The following KIF26B variants were observed in gnomAD, a reference collection of about 807,000 sequenced individuals.
The protein encoded by KIF26B is kinesin-like protein KIF26B.
Under a neutral mutation model 151.2 loss-of-function variants are expected in KIF26B, and 63 were observed. The ratio of observed to expected loss-of-function variants is 0.42; its 90% CI spans 0.34 to 0.51. The LOEUF (loss-of-function observed/expected upper bound fraction) is 0.51. KIF26B is among the 20% of genes least tolerant of loss of function. The pLI, the probability that KIF26B is intolerant of heterozygous loss-of-function variation, is 0.07. For missense variants in KIF26B, 2,813 were observed against 2,913.6 expected (o/e 0.97, Z 0.79); for synonymous variants, 1,357 against 1,262.1 (o/e 1.08, Z -1.59).
chr1:245,453,675 G>A (rs369509533), intron 4 of KIF26B, among the ~76,000 whole-genome samples: 13 of 152,122 alleles, frequency 8.5e-5, no homozygotes, highest in East Asian at 3.9e-4. Context: ...GTTATTTGTC[G>A]TAATACTTTT....
intron 5 of KIF26B, among the ~76,000 whole-genome samples, chr1:245,590,914 G>GAAAAAAAAAAAAAAAAAAAAAAAAAAAAA: frequency 1.1e-5 from 1 of 91,344 alleles, no homozygotes; most frequent in African/African-American, 3.3e-5. Context: ...TCAAAAAAAA[G>GAAAAAAAAAAAAAAAAAAAAAAAAAAAAA]AAAAAAAAAA....
At chr1:245,402,039 G>A (rs1674014747) in intron 3 of KIF26B, among the ~76,000 whole-genome samples, 1 of 152,204 alleles carries the variant, frequency 6.6e-6, no homozygotes, top group Non-Finnish European at 1.5e-5. Context: ...TGTGGGTAAG[G>A]AGGATTGAGG....
chr1:245,664,396 G>C (rs527508559), intron 10 of KIF26B, among the ~76,000 whole-genome samples: 53 of 149,382 alleles, frequency 3.5e-4, no homozygotes, highest in Non-Finnish European at 6.1e-4. Flanking sequence ...AACTGTACTT[G>C]GTAAGAAGGT....
At chr1:245,175,260 C>A (rs1668782774) in intron 2 of KIF26B, among the ~76,000 whole-genome samples, 1 of 152,100 alleles carries the variant, frequency 6.6e-6, no homozygotes, top group Non-Finnish European at 1.5e-5. Context: ...TGCCTCCAGA[C>A]TCTAGTGCAT....
At chr1:245,518,097 C>A (rs943163637) in intron 4 of KIF26B, among the ~76,000 whole-genome samples, 2 of 151,998 alleles carry the variant, frequency 1.3e-5, no homozygotes, top group African/African-American at 4.8e-5. Context: ...GTCTTGAACT[C>A]CTGACCTTGT....
intron 14 of KIF26B, among the ~76,000 whole-genome samples, chr1:245,699,494 GAAA>G (rs774959523): frequency 7.8e-6 from 1 of 128,640 alleles, no homozygotes. Flanking sequence ...TTTTTGAGTG[GAAA>G]AAAAAAAAAA....
intron 12 of KIF26B, among the ~76,000 whole-genome samples, chr1:245,696,398 G>T (rs1327172339): frequency 6.6e-6 from 1 of 152,214 alleles, no homozygotes; most frequent in African/African-American, 2.4e-5. Context: ...TCAGATGAGT[G>T]CAGCCCTAGC....
chr1:245,507,822 G>T (rs1016420436), intron 4 of KIF26B, among the ~76,000 whole-genome samples: 7 of 152,124 alleles, frequency 4.6e-5, no homozygotes, highest in Admixed American at 4.6e-4. Context: ...GACAACATCT[G>T]TTGTCAAAGG....
At chr1:245,378,981 C>T (rs704652) in intron 3 of KIF26B, among the ~76,000 whole-genome samples, 33,454 of 152,144 alleles carry the variant, frequency 0.22, 6,627 homozygotes, top group African/African-American at 0.53. Flanking sequence ...GTGAAGTTGA[C>T]TGAACCTTGA....
At chr1:245,385,860 G>A (rs1284533683) in intron 3 of KIF26B, among the ~76,000 whole-genome samples, 1 of 152,182 alleles carries the variant, frequency 6.6e-6, no homozygotes, top group African/African-American at 2.4e-5. Context: ...TGAAGGCAGG[G>A]TCACAGATAT....
At chr1:245,295,705 A>C (rs914550295) in intron 2 of KIF26B, among the ~76,000 whole-genome samples, 1 of 152,206 alleles carries the variant, frequency 6.6e-6, no homozygotes, top group African/African-American at 2.4e-5. Context: ...TTAAGTCCTT[A>C]CTGGAAATAT....
At chr1:245,419,551 T>TTAAA in intron 3 of KIF26B, 28 bp from the exon 4 acceptor site, 3 of 1,583,260 alleles carry the variant, frequency 1.9e-6, no homozygotes, top group Admixed American at 1.7e-5. Context: ...CCACAGGTAA[T>TTAAA]GAGCTCCGTA....
intron 2 of KIF26B, among the ~76,000 whole-genome samples, chr1:245,269,460 C>T (rs915764032): frequency 6.6e-6 from 1 of 151,260 alleles, no homozygotes; most frequent in Non-Finnish European, 1.5e-5. Context: ...ACAGGATTTC[C>T]TTTTTTTGTT....
At chr1:245,490,600 C>T (rs910051757) in intron 4 of KIF26B, among the ~76,000 whole-genome samples, 27 of 152,076 alleles carry the variant, frequency 1.8e-4, no homozygotes, top group African/African-American at 6.5e-4. Flanking sequence ...CGTGAGCCAC[C>T]GCACCTGGCC....
rs1411830036 is a variant in KIF26B at position 245,367,213 on chromosome 1, G to A, written c.845G>A (p.Gly282Glu). The A allele has an allele frequency of 2.5e-6, 4 of 1,609,970 alleles. No homozygotes were observed. Among genetic ancestry groups the A allele is most frequent in the Non-Finnish European group, 3.4e-6 (4 of 1,178,262 alleles). Residue 282 changes from glycine (G) to glutamate (E), a missense_variant, in exon 3 of 15, where the codon GGG becomes GAG. By Grantham distance (98) the Gly-to-Glu change is moderately conservative. Coordinates refer to ENST00000407071, the MANE Select transcript of KIF26B (RefSeq NM_018012.4). This position sits in a 1 kb window ranked among gnomAD's most constrained non-coding sequence, Gnocchi z 4.2. ...AGCAATGGGGCGGAAAAGAAGAGCG[G>A]GTCCCCAACCCACCAGGCCAAGGTC... ...GVSNGAEKKS[G>E]SPTHQAKVSL...
chr1:245,252,374 G>A (rs149387174), intron 2 of KIF26B, among the ~76,000 whole-genome samples: 1 of 151,834 alleles, frequency 6.6e-6, no homozygotes, highest in East Asian at 1.9e-4. Flanking sequence ...TTACCTTTCG[G>A]TAAATGTTTA....
At chr1:245,533,540 T>C (rs1395412147) in intron 4 of KIF26B, among the ~76,000 whole-genome samples, 1 of 152,202 alleles carries the variant, frequency 6.6e-6, no homozygotes, top group Admixed American at 6.5e-5. Context: ...TTTAAAGATA[T>C]AGAGGTCCTT....
chr1:245,577,220 G>C (rs533641426), intron 5 of KIF26B, among the ~76,000 whole-genome samples: 19 of 152,290 alleles, frequency 1.2e-4, no homozygotes, highest in African/African-American at 4.3e-4. Context: ...TGTGTCGTAG[G>C]GGGATGCCTG....
At chr1:245,697,871 C>T (rs1162663774) in intron 12 of KIF26B, among the ~76,000 whole-genome samples, 6 of 151,846 alleles carry the variant, frequency 4.0e-5, no homozygotes, top group Admixed American at 3.9e-4. Flanking sequence ...AAGATGTCGT[C>T]TCTCAAAAAA....
Sources: allele counts gnomAD v4.1 joint callset (sites outside exome capture counted in the v4.1 genomes callset), GRCh38; gene constraint gnomAD v4.1.1; non-coding constraint Gnocchi (gnomAD v3.1); transcripts MANE v1.5; gene names NCBI Gene and HGNC (gene_info 2026-07-23, HGNC 2026-07-21).